ATG5: variants seen among roughly 807,000 people sequenced by gnomAD.
ATG5 encodes the protein autophagy related 5, also known as autophagy protein 5.
Under a neutral mutation model 36.5 loss-of-function variants are expected in ATG5, and 14 were observed. The observed-to-expected ratio is 0.38, with a 90% CI of 0.25 to 0.60. The LOEUF is 0.60. Among genes scored for constraint, ATG5 ranks in the 20% least tolerant of loss-of-function variants. ATG5 has a pLI of 0.60. For synonymous variants in ATG5, 95 were observed against 101.5 expected (o/e 0.94, Z 0.38); for missense variants, 195 against 326.7 (o/e 0.60, Z 3.11).
At chr6:106,271,820 G>A (rs1026793134) in intron 5 of ATG5, 20 of 152,098 alleles carry the variant, frequency 1.3e-4, no homozygotes, top group Admixed American at 1.2e-3. Flanking sequence ...ATAGAGAAGG[G>A]TATCCTTGAA....
Position 106,316,146 on chromosome 6 carries a change from C to T in ATG5, c.63G>A (p.Thr21=), listed in dbSNP as rs758661105. The change falls in exon 2 of 8, where the codon ACG becomes ACA. Residue 21 remains threonine, a synonymous_variant. Transcript: ENST00000369076. ...TTTCAGTTATCTCATCCTGATATAG[C>T]GTGAAACAAGTTGGAATTCGTCCAA... The part of the protein sequence containing the change: ...VWFGRIPTCF[T]LYQDEITERE... The T allele has an allele frequency of 2.0e-5, 32 of 1,613,456 alleles. No individual in the cohort carries two copies. Among genetic ancestry groups the T allele is most frequent in the Middle Eastern group, 1.6e-4 (1 of 6,080 alleles).
At chr6:106,319,676 A>G (rs1255091966) in intron 1 of ATG5, among the ~76,000 whole-genome samples, 1 of 152,090 alleles carries the variant, frequency 6.6e-6, no homozygotes, top group Non-Finnish European at 1.5e-5. Context: ...TGGCACCTCT[A>G]CTTTTCCTCT....
intron 5 of ATG5, among the ~76,000 whole-genome samples, chr6:106,256,122 C>A (rs1271111592): frequency 2.6e-5 from 4 of 152,088 alleles, no homozygotes; most frequent in Non-Finnish European, 5.9e-5. Context: ...CAAAAAGATA[C>A]CCCCATTATG....
intron 1 of ATG5, among the ~76,000 whole-genome samples, chr6:106,318,494 T>C (rs1325668926): frequency 2.0e-5 from 3 of 152,008 alleles, no homozygotes; most frequent in Non-Finnish European, 4.4e-5. Flanking sequence ...CAGGCTTGAG[T>C]TTTAAAGTCT....
chr6:106,228,327 C>T (rs1255581237), intron 6 of ATG5, among the ~76,000 whole-genome samples: 1 of 152,178 alleles, frequency 6.6e-6, no homozygotes, highest in Non-Finnish European at 1.5e-5. Flanking sequence ...AGCAGGGTGT[C>T]CGTTGTGCTC....
chr6:106,186,483 A>G lies in ATG5; in HGVS notation c.*57T>C. Reference sequence around the variant, plus strand: ...CAAACCTGATTGAAGCAAAAGGGTGACATGCTCTGATAAATCCCATTTAAG... The same window carrying G: ...CAAACCTGATTGAAGCAAAAGGGTGGCATGCTCTGATAAATCCCATTTAAG... On this transcript the variant is annotated 3_prime_UTR_variant, in exon 8 of 8. Coordinates refer to ENST00000369076, the MANE Select transcript of ATG5 (RefSeq NM_004849.4). The G allele has an allele frequency of 6.3e-7, 1 of 1,592,046 alleles. No homozygotes were observed. Among genetic ancestry groups the G allele is most frequent in the Non-Finnish European group, 8.6e-7 (1 of 1,162,390 alleles).
intron 6 of ATG5, among the ~76,000 whole-genome samples, chr6:106,242,436 G>C (rs1196884968): frequency 6.6e-6 from 1 of 152,092 alleles, no homozygotes; most frequent in Non-Finnish European, 1.5e-5. Flanking sequence ...TGGGGAAACA[G>C]AGAGTTGTTT....
At chr6:106,229,081 A>G (rs534101655) in intron 6 of ATG5, among the ~76,000 whole-genome samples, 1 of 152,358 alleles carries the variant, frequency 6.6e-6, no homozygotes, top group East Asian at 1.9e-4. Context: ...GACTTTCTTG[A>G]AAGTGTAGCC....
chr6:106,269,271 C>G (rs1183773453), intron 5 of ATG5, among the ~76,000 whole-genome samples: 1 of 152,160 alleles, frequency 6.6e-6, no homozygotes, highest in Non-Finnish European at 1.5e-5. Flanking sequence ...GAGCTAGATA[C>G]AGAGTGCTGA....
At chr6:106,236,472 T>C (rs981026932) in intron 6 of ATG5, among the ~76,000 whole-genome samples, 2 of 152,218 alleles carry the variant, frequency 1.3e-5, no homozygotes, top group African/African-American at 4.8e-5. Context: ...TTATATTTGC[T>C]CCACAGCCTT....
Position 106,185,397 on chromosome 6 carries a change from T to C in ATG5, c.*1143A>G, listed in dbSNP as rs1775728827. On this transcript the variant is annotated 3_prime_UTR_variant, in exon 8 of 8. Transcript: ENST00000369076. The stretch of plus-strand genomic sequence containing the variant: ...AGAAATGAAATGTAATGCACAAATA[T>C]GTTTGACTGGTAAAATCCCAGAGGC... 2.0e-5 allele frequency: 3 copies of C among 152,716 alleles called. No individual in the cohort carries two copies. The highest frequency in any genetic ancestry group is 2.4e-5 in the African/African-American group (1 of 41,438). 9.5% of individuals were successfully genotyped at this position (152,716 alleles called of 1,614,324 possible). A position where few individuals can be genotyped will look rare whatever the true frequency, so the allele number is the denominator to read the frequency against.
intron 2 of ATG5, among the ~76,000 whole-genome samples, chr6:106,315,667 AAC>A (rs1185746915): frequency 1.3e-5 from 2 of 152,308 alleles, no homozygotes; most frequent in Non-Finnish European, 2.9e-5. Context: ...ACTTTTAACA[AAC>A]AGTTGCTTAG....
intron 6 of ATG5, 106 bp from the exon 7 acceptor site, chr6:106,202,195 C>A: frequency 1.3e-6 from 1 of 766,532 alleles, no homozygotes; most frequent in Non-Finnish European, 2.2e-6. Context: ...CCTTTTGATA[C>A]GGTGTTAGCA....
chr6:106,306,201 A>G (rs1331156853), intron 3 of ATG5, among the ~76,000 whole-genome samples: 1 of 152,222 alleles, frequency 6.6e-6, no homozygotes, highest in East Asian at 1.9e-4. Context: ...ATGGTATAAT[A>G]ATATTTAAGC....
chr6:106,224,687 CAA>C (rs997015930), intron 6 of ATG5, among the ~76,000 whole-genome samples: 3 of 151,996 alleles, frequency 2.0e-5, no homozygotes, highest in Non-Finnish European at 2.9e-5. Context: ...ACCAGCCTGA[CAA>C]AGATGGAGAA....
chr6:106,319,218 T>C (rs946506995), intron 1 of ATG5, among the ~76,000 whole-genome samples: 4 of 152,198 alleles, frequency 2.6e-5, no homozygotes, highest in Admixed American at 6.5e-5. Context: ...TTATCTACTA[T>C]TATAATTTAC....
Position 106,283,730 on chromosome 6 carries a change from T to G in ATG5, c.316-3907A>C, listed in dbSNP as rs538619891. On this transcript the variant is annotated intron_variant, in intron 4 of 7. Transcript: ENST00000369076. ...GCCCGACTAGTTCTTAGGTATTTTA[T>G]AGACTTCACCAATGAAACGATCTGT... 4 of 152,366 alleles carry G rather than the reference T, an allele frequency of 2.6e-5. No homozygotes were observed. In the South Asian group the frequency reaches 6.2e-4, roughly 24 times the overall value. The allele number at this position is 152,366 out of a possible 1,614,324, so 9.4% of individuals were successfully genotyped here.
At chr6:106,318,792 A>G (rs569255582) in intron 1 of ATG5, among the ~76,000 whole-genome samples, 1 of 152,236 alleles carries the variant, frequency 6.6e-6, no homozygotes, top group Non-Finnish European at 1.5e-5. Context: ...TAGGATCTTA[A>G]AATGTTAATC....
chr6:106,223,242 T>C (rs1176343225), intron 6 of ATG5, among the ~76,000 whole-genome samples: 1 of 152,212 alleles, frequency 6.6e-6, no homozygotes, highest in Non-Finnish European at 1.5e-5. Flanking sequence ...CTGCATCAAA[T>C]AGTTCCTACT....
Sources: gnomAD v4.1 joint callset for allele counts (sites outside exome capture counted in the v4.1 genomes callset) on GRCh38, gnomAD v4.1.1 for gene constraint, MANE v1.5 for transcripts, NCBI Gene and HGNC (gene_info 2026-07-23, HGNC 2026-07-21) for gene names.